MPPED1: variants seen among roughly 807,000 people sequenced by gnomAD.
The protein encoded by MPPED1 is metallophosphoesterase domain containing 1, also known as metallophosphoesterase domain-containing protein 1.
Under a neutral mutation model 36.2 loss-of-function variants are expected in MPPED1, and 16 were observed. That is an observed-to-expected ratio of 0.44 (90% CI 0.30 to 0.67). The LOEUF (loss-of-function observed/expected upper bound fraction) is 0.67. Ranked by LOEUF, MPPED1 falls within the 30% of genes least tolerant of loss-of-function variation. The pLI, the probability that MPPED1 is intolerant of heterozygous loss-of-function variation, is 0.10. For missense variants in MPPED1, 307 were observed against 453.4 expected (o/e 0.68, Z 2.93); for synonymous variants, 199 against 191.3 (o/e 1.04, Z -0.33).
intron 3 of MPPED1, among the ~76,000 whole-genome samples, chr22:43,463,131 A>G: frequency 6.6e-6 from 1 of 151,244 alleles, no homozygotes; most frequent in Middle Eastern, 3.4e-3. Context: ...CTCATCCTTT[A>G]TATATAACCT....
chr22:43,452,638 A>T (rs533591553), intron 3 of MPPED1, among the ~76,000 whole-genome samples: 2 of 152,104 alleles, frequency 1.3e-5, no homozygotes, highest in South Asian at 4.2e-4. Flanking sequence ...TAAATATTTT[A>T]TTCTTTTTTG....
At chr22:43,485,908 C>G (rs1931899713) in intron 4 of MPPED1, among the ~76,000 whole-genome samples, 1 of 152,246 alleles carries the variant, frequency 6.6e-6, no homozygotes, top group African/African-American at 2.4e-5. Context: ...GGACGCGTTG[C>G]CAGCTCCGCA....
rs984378525 is a variant in MPPED1, at chr22:43,502,325, G to T, written c.749-319G>T. Reference sequence around the variant, plus strand: ...GCGGATGCCACCCTTGAGGCCACTCGAGCACAGATGGTCTGGGGGGCGCCA... The same window carrying T: ...GCGGATGCCACCCTTGAGGCCACTCTAGCACAGATGGTCTGGGGGGCGCCA... On this transcript the variant is annotated intron_variant, in intron 5 of 6. Transcript: ENST00000443721. The surrounding 1 kb of genome is among the most constrained non-coding windows in gnomAD (Gnocchi z 5.5). 1.3e-5 allele frequency among the ~76,000 whole-genome samples: 2 copies of T among 152,116 alleles called. No individual in the cohort carries two copies. Among genetic ancestry groups the T allele is most frequent in the Non-Finnish European group, 2.9e-5 (2 of 68,024 alleles).
intron 3 of MPPED1, among the ~76,000 whole-genome samples, chr22:43,457,340 C>T (rs551165241): frequency 2.6e-5 from 4 of 152,082 alleles, no homozygotes; most frequent in Non-Finnish European, 5.9e-5. Flanking sequence ...TCTCTTTTGG[C>T]GTCTGGATAC....
At chr22:43,454,643 C>G (rs1003188848) in intron 3 of MPPED1, among the ~76,000 whole-genome samples, 2 of 150,658 alleles carry the variant, frequency 1.3e-5, no homozygotes, top group African/African-American at 4.9e-5. Context: ...CTTAACTTTC[C>G]AGGCTCAGGT....
intron 3 of MPPED1, among the ~76,000 whole-genome samples, chr22:43,444,999 A>G (rs1220830114): frequency 6.6e-6 from 1 of 152,212 alleles, no homozygotes; most frequent in Non-Finnish European, 1.5e-5. Flanking sequence ...TCCAGTACCC[A>G]GTGCTATGTG....
At chr22:43,497,113 GGTGGTGATGGAC>G (rs1407731364) in intron 4 of MPPED1, among the ~76,000 whole-genome samples, 2 of 150,996 alleles carry the variant, frequency 1.3e-5, no homozygotes, top group Non-Finnish European at 1.5e-5. Context: ...TGGTGATGGA[GGTGGTGATGGAC>G]GTGGTGGTGG....
At chr22:43,451,251 C>T (rs1049131912) in intron 3 of MPPED1, among the ~76,000 whole-genome samples, 1 of 152,140 alleles carries the variant, frequency 6.6e-6, no homozygotes, top group Non-Finnish European at 1.5e-5. Context: ...GTGATCCACC[C>T]GCCTCGGCCT....
intron 3 of MPPED1, among the ~76,000 whole-genome samples, chr22:43,452,401 C>T (rs1016083775): frequency 1.3e-5 from 2 of 152,086 alleles, no homozygotes; most frequent in African/African-American, 4.8e-5. Context: ...TTCTGTAAAA[C>T]TCAATACTCT....
Position 43,459,468 on chromosome 22 carries a change from C to T in MPPED1, c.407-15268C>T, listed in dbSNP as rs1385956549. On this transcript the variant is annotated intron_variant, in intron 3 of 6. Coordinates refer to ENST00000443721, the MANE Select transcript of MPPED1 (RefSeq NM_001044370.2). ...CTCCTCTTACGCACACATGAGTGCACCCAATGGTGTCCCACAGGTCTCTGA... is the reference window on the plus strand; with the variant it reads ...CTCCTCTTACGCACACATGAGTGCATCCAATGGTGTCCCACAGGTCTCTGA... 6.6e-5 allele frequency among the ~76,000 whole-genome samples: 10 copies of T among 152,330 alleles called. No individual in the cohort carries two copies. In the South Asian group the frequency reaches 1.9e-3, roughly 28 times the overall value.
Position 43,460,263 on chromosome 22 carries a change from A to ACC in MPPED1, c.407-14463_407-14462dup, listed in dbSNP as rs368015046. Among the ~76,000 whole-genome samples the ACC allele has an allele frequency of 2.1e-3, 197 of 93,814 alleles. 5 individuals are homozygous for ACC. Among genetic ancestry groups the ACC allele is most frequent in the Non-Finnish European group, 2.5e-3 (110 of 44,662 alleles). The allele number at this position is 93,814 out of a possible 152,430, so 61.5% of individuals were successfully genotyped here. A position where few individuals can be genotyped will look rare whatever the true frequency, so the allele number is the denominator to read the frequency against. ...AAAACAAAAACAAAAACAAACCCAA[A>ACC]CCCCCCCCCCCAAACCCAAAGCAAA... On this transcript the variant is annotated intron_variant, in intron 3 of 6. Coordinates refer to ENST00000443721, the MANE Select transcript of MPPED1 (RefSeq NM_001044370.2).
At chr22:43,456,207 C>G (rs935215197) in intron 3 of MPPED1, among the ~76,000 whole-genome samples, 3 of 152,238 alleles carry the variant, frequency 2.0e-5, no homozygotes, top group African/African-American at 7.2e-5. Flanking sequence ...AGTGAATGTC[C>G]TTGTTTTGTG....
intron 1 of MPPED1, among the ~76,000 whole-genome samples, chr22:43,414,932 G>T (rs1040674338): frequency 1.3e-5 from 2 of 152,138 alleles, no homozygotes; most frequent in African/African-American, 4.8e-5. Context: ...GATCAAAGTC[G>T]ATGGCACCTC....
At chr22:43,449,033 T>G (rs1601967910) in intron 3 of MPPED1, among the ~76,000 whole-genome samples, 1 of 152,272 alleles carries the variant, frequency 6.6e-6, no homozygotes, top group South Asian at 2.1e-4. Flanking sequence ...TTTTGATATT[T>G]ATGGTCAGCA....
rs946079791 is a variant in MPPED1, at chr22:43,500,301, G to A, written c.748+1951G>A. Among the ~76,000 whole-genome samples, 115 of 116,822 alleles carry A rather than the reference G, an allele frequency of 9.8e-4. 1 individual carries two copies. The highest frequency in any genetic ancestry group is 3.4e-3 in the African/African-American group (106 of 31,028). 76.6% of individuals were successfully genotyped at this position (116,822 alleles called of 152,430 possible). Reference sequence around the variant, plus strand: ...GGCGGTGGTGATGGGGGTGGTGGTGGTGATGGTGATGGAGGTGGTGATGGT... The same window carrying A: ...GGCGGTGGTGATGGGGGTGGTGGTGATGATGGTGATGGAGGTGGTGATGGT... On this transcript the variant is annotated intron_variant, in intron 5 of 6. Coordinates refer to ENST00000443721, the MANE Select transcript of MPPED1 (RefSeq NM_001044370.2).
intron 1 of MPPED1, among the ~76,000 whole-genome samples, 179 bp downstream of exon 1, chr22:43,412,337 C>T (rs1026172788): frequency 6.6e-6 from 1 of 150,806 alleles, no homozygotes; most frequent in African/African-American, 2.4e-5. Context: ...AGCTGCCCCG[C>T]CTGCCTAGCG....
chr22:43,492,968 C>T (rs937897618), intron 4 of MPPED1, among the ~76,000 whole-genome samples: 1 of 152,174 alleles, frequency 6.6e-6, no homozygotes, highest in African/African-American at 2.4e-5. Context: ...ACAATTTATT[C>T]ATTAATTCAG....
chr22:43,471,807 A>G (rs1047215014), intron 3 of MPPED1, among the ~76,000 whole-genome samples: 3 of 152,196 alleles, frequency 2.0e-5, no homozygotes, highest in Non-Finnish European at 4.4e-5. Context: ...ACACGCCTGC[A>G]TCCATGTTCT....
At chr22:43,417,707 T>C (rs1290146194) in intron 1 of MPPED1, 1 of 196,660 alleles carries the variant, frequency 5.1e-6, no homozygotes. Flanking sequence ...TTCGCCACAT[T>C]GCAACAAAAG....
Sources: gnomAD v4.1 joint callset for allele counts (sites outside exome capture counted in the v4.1 genomes callset) on GRCh38, gnomAD v4.1.1 for gene constraint, Gnocchi (gnomAD v3.1) non-coding constraint, MANE v1.5 for transcripts, NCBI Gene and HGNC (gene_info 2026-07-23, HGNC 2026-07-21) for gene names.